ACAD11: variants seen among roughly 807,000 people sequenced by gnomAD.
The protein encoded by ACAD11 is acyl-Coenzyme A dehydrogenase family, member 11.
ACAD11 carries 83 observed loss-of-function variants against 102.2 expected under a neutral mutation model. The observed-to-expected ratio is 0.81, with a 90% confidence interval of 0.68 to 0.97. ACAD11 has a LOEUF of 0.97. Among genes scored for constraint, ACAD11 ranks in the 50% least tolerant of loss-of-function variants. The pLI is 0.00. For synonymous variants in ACAD11, 324 were observed against 319.8 expected, an observed-to-expected ratio of 1.01 and a Z score of -0.14; for missense variants, 901 against 951.7, an observed-to-expected ratio of 0.95 and a Z score of 0.70.
Position 132,621,455 on chromosome 3 carries a change from G to T in ACAD11, c.1198-1910C>A, listed in dbSNP as rs574608095. 4.6e-5 allele frequency among the ~76,000 whole-genome samples: 7 copies of T among 152,234 alleles called. No homozygotes were observed. The East Asian group carries it at 1.2e-3, about 25-fold the overall frequency. Reference sequence around the variant, plus strand: ...TAACTGTCATTGTAAAATTCTATATGCAATGAAACTATCTTTCACGAACTA... The same window carrying T: ...TAACTGTCATTGTAAAATTCTATATTCAATGAAACTATCTTTCACGAACTA... On this transcript the variant is annotated intron_variant, in intron 9 of 19. Coordinates refer to ENST00000264990, the MANE Select transcript of ACAD11 (RefSeq NM_032169.5).
chr3:132,568,370 A>G (rs1937271947), intron 17 of ACAD11, among the ~76,000 whole-genome samples: 1 of 152,236 alleles, frequency 6.6e-6, no homozygotes, highest in African/African-American at 2.4e-5. Flanking sequence ...AGATGAGATG[A>G]TGTGTGTAGA....
chr3:132,636,079 C>A (rs552963475), intron 5 of ACAD11, among the ~76,000 whole-genome samples: 470 of 152,178 alleles, frequency 3.1e-3, no homozygotes, highest in Non-Finnish European at 5.1e-3. Context: ...AATATCTGAA[C>A]CATTTTTGGG....
At chr3:132,635,226 C>T (rs1351759953) in intron 5 of ACAD11, among the ~76,000 whole-genome samples, 2 of 151,954 alleles carry the variant, frequency 1.3e-5, no homozygotes, top group South Asian at 4.2e-4. Context: ...GGAACCTTCA[C>T]TGGAGGGTTC....
At chr3:132,598,218 A>G (rs954768480) in intron 13 of ACAD11, among the ~76,000 whole-genome samples, 1 of 152,236 alleles carries the variant, frequency 6.6e-6, no homozygotes, top group Non-Finnish European at 1.5e-5. Context: ...ATTCAGCACT[A>G]TAATAAAAAC....
chr3:132,656,488 T>C (rs1353371741), intron 1 of ACAD11, among the ~76,000 whole-genome samples: 1 of 142,296 alleles, frequency 7.0e-6, no homozygotes, highest in Non-Finnish European at 1.5e-5. Context: ...ATGCTTGATA[T>C]TGTCAGATTT....
rs1936956152 is a variant in ACAD11 at position 132,558,761 on chromosome 3, C to T, written c.*210G>A. 6.0e-6 allele frequency: 3 copies of T among 501,272 alleles called. No homozygotes were observed. The highest frequency in any genetic ancestry group is 1.0e-5 in the Non-Finnish European group (3 of 287,020). 31.1% of individuals were successfully genotyped at this position (501,272 alleles called of 1,614,324 possible). ...AAGGAGGCACTAGATTGAATGACAA[C>T]AGCTACAGCATTTCTTACTGAACTT... On this transcript the variant is annotated 3_prime_UTR_variant, in exon 20 of 20. Coordinates refer to ENST00000264990, the MANE Select transcript of ACAD11 (RefSeq NM_032169.5).
chr3:132,590,261 G>A (rs1279368760), intron 13 of ACAD11, among the ~76,000 whole-genome samples: 1 of 151,860 alleles, frequency 6.6e-6, no homozygotes, highest in African/African-American at 2.4e-5. Context: ...TTTTGTTTTT[G>A]TTTTTGGATT....
At chr3:132,586,717 A>G (rs1353738059) in intron 13 of ACAD11, among the ~76,000 whole-genome samples, 2 of 152,226 alleles carry the variant, frequency 1.3e-5, no homozygotes, top group African/African-American at 4.8e-5. Context: ...AATTTTCACT[A>G]AAAGAAAAAT....
intron 1 of ACAD11, among the ~76,000 whole-genome samples, chr3:132,655,412 T>G (rs1243016222): frequency 1.3e-5 from 2 of 152,220 alleles, no homozygotes; most frequent in Non-Finnish European, 2.9e-5. Flanking sequence ...AGCCAAAGTC[T>G]CTTTATTGCC....
intron 11 of ACAD11, 150 bp from the exon 12 acceptor site, chr3:132,605,355 A>C (rs1285830139): frequency 2.0e-6 from 1 of 508,756 alleles, no homozygotes; most frequent in Non-Finnish European, 3.5e-6. Context: ...TATAATTTAT[A>C]CTGACAGCAT....
Position 132,642,243 on chromosome 3 carries a change from C to A in ACAD11, c.376-110G>T, listed in dbSNP as rs1277322464. On this transcript the variant is annotated intron_variant, in intron 3 of 19. Coordinates refer to ENST00000264990, the MANE Select transcript of ACAD11 (RefSeq NM_032169.5). ...CATATTTAATATTAGAGTATACATG[C>A]CAAAGGGAAAATAAAAGGATATGCC... 4 of 1,022,694 alleles carry A rather than the reference C, an allele frequency of 3.9e-6. No individual in the cohort carries two copies. The East Asian group carries it at 7.8e-5, about 20-fold the overall frequency. The allele number at this position is 1,022,694 out of a possible 1,614,324, so 63.4% of individuals were successfully genotyped here.
rs1940667438 is a variant in ACAD11 at position 132,645,045 on chromosome 3, A to T, written c.150-149T>A. The T allele has an allele frequency of 2.0e-5, 11 of 549,650 alleles. 1 individual carries two copies. The South Asian group carries it at 2.7e-4, about 14-fold the overall frequency. 34.0% of individuals were successfully genotyped at this position (549,650 alleles called of 1,614,324 possible). On this transcript the variant is annotated intron_variant, in intron 1 of 19. Transcript: ENST00000264990. ...AGGGGTGCTATCAGCAGCTCACAAC[A>T]TGAATTTCTAGATGATATTAAAGCA...
intron 5 of ACAD11, among the ~76,000 whole-genome samples, chr3:132,635,814 C>G (rs1940253344): frequency 6.6e-6 from 1 of 152,008 alleles, no homozygotes; most frequent in Admixed American, 6.6e-5. Context: ...TCACTCCTTT[C>G]TCTATGACTT....
At chr3:132,603,180 G>T in intron 13 of ACAD11, 49 bp downstream of exon 13, 3 of 1,380,778 alleles carry the variant, frequency 2.2e-6, no homozygotes, top group Non-Finnish European at 3.1e-6. Context: ...CATAGCATCT[G>T]GAACAAAGGA....
chr3:132,619,315 T>C (rs980517367), intron 10 of ACAD11, among the ~76,000 whole-genome samples, 153 bp downstream of exon 10: 2 of 152,236 alleles, frequency 1.3e-5, no homozygotes, highest in Admixed American at 6.5e-5. Context: ...CTAATTTGTA[T>C]GTTATAGATT....
At chr3:132,571,284 G>A (rs1283160280) in intron 17 of ACAD11, among the ~76,000 whole-genome samples, 2 of 148,004 alleles carry the variant, frequency 1.4e-5, no homozygotes, top group African/African-American at 5.0e-5. Flanking sequence ...CATGCCTGTT[G>A]GCCACATGTC....
chr3:132,639,346 A>G (rs750430931), intron 5 of ACAD11, 146 bp downstream of exon 5: 4 of 647,298 alleles, frequency 6.2e-6, no homozygotes, highest in Non-Finnish European at 4.8e-6. Context: ...ACTCCTTTCT[A>G]AAAATTTTGA....
At chr3:132,583,214 G>C (rs1937641152) in intron 13 of ACAD11, among the ~76,000 whole-genome samples, 1 of 152,062 alleles carries the variant, frequency 6.6e-6, no homozygotes, top group South Asian at 2.1e-4. Context: ...ATTAATTATT[G>C]CCTCAATTTC....
rs142872510 is a variant in ACAD11 at position 132,612,620 on chromosome 3, A to G, written c.1414+6014T>C. Reference sequence around the variant, plus strand: ...CATTTATGCAGCCAAAAAACACATGAAAAAGCACTCATCATCACTGGCTAT... The same window carrying G: ...CATTTATGCAGCCAAAAAACACATGGAAAAGCACTCATCATCACTGGCTAT... On this transcript the variant is annotated intron_variant, in intron 11 of 19. Coordinates refer to ENST00000264990, the MANE Select transcript of ACAD11 (RefSeq NM_032169.5). Among the ~76,000 whole-genome samples the G allele has an allele frequency of 1.2e-3, 190 of 152,244 alleles. 5 individuals are homozygous for G. The East Asian group carries it at 0.033, about 27-fold the overall frequency.
Sources: gnomAD v4.1 joint callset for allele counts (sites outside exome capture counted in the v4.1 genomes callset) on GRCh38, gnomAD v4.1.1 for gene constraint, MANE v1.5 for transcripts, NCBI Gene and HGNC (gene_info 2026-07-23, HGNC 2026-07-21) for gene names.